The following ABCA13 variants were observed in gnomAD, a reference collection of about 807,000 sequenced individuals.
The protein encoded by ABCA13 is ATP-binding cassette sub-family A member 13.
In ABCA13, 476 loss-of-function variants were observed where a neutral mutation model predicts 478.7. That is an observed-to-expected ratio of 0.99 (90% CI 0.92 to 1.07). ABCA13 has a LOEUF of 1.07. Among genes scored for constraint, ABCA13 ranks in the 50% least tolerant of loss-of-function variants. ABCA13 has a pLI of 0.00. For missense variants in ABCA13, 6,060 were observed against 5,910.6 expected (o/e 1.03, Z -0.83); for synonymous variants, 2,252 against 2,158.9 (o/e 1.04, Z -1.20).
intron 45 of ABCA13, among the ~76,000 whole-genome samples, chr7:48,472,724 C>T (rs971554341): frequency 6.6e-6 from 1 of 152,048 alleles, no homozygotes; most frequent in African/African-American, 2.4e-5. Context: ...ATATAGGGCT[C>T]AAAAAACCGG....
intron 15 of ABCA13, among the ~76,000 whole-genome samples, chr7:48,266,838 A>C (rs972989095): frequency 6.6e-6 from 1 of 151,878 alleles, no homozygotes; most frequent in Non-Finnish European, 1.5e-5. Context: ...TTTTCCCCTA[A>C]ATGCTGATTT....
chr7:48,450,213 T>A (rs142552954), intron 42 of ABCA13, among the ~76,000 whole-genome samples: 56 of 152,352 alleles, frequency 3.7e-4, no homozygotes, highest in East Asian at 3.5e-3. Flanking sequence ...TCTACATTAG[T>A]TCAGAGAGCC....
chr7:48,303,616 C>T (rs904882478), intron 23 of ABCA13, among the ~76,000 whole-genome samples: 1 of 152,034 alleles, frequency 6.6e-6, no homozygotes, highest in Non-Finnish European at 1.5e-5. Context: ...TTGTTTTTGT[C>T]AGGTTTGTCG....
chr7:48,352,838 A>G (rs940384687), intron 31 of ABCA13, among the ~76,000 whole-genome samples: 1 of 151,936 alleles, frequency 6.6e-6, no homozygotes, highest in African/African-American at 2.4e-5. Context: ...GAGGGAGGTT[A>G]TTTTCTCTGC....
At chr7:48,254,232 T>G (rs918312823) in intron 15 of ABCA13, among the ~76,000 whole-genome samples, 2 of 151,726 alleles carry the variant, frequency 1.3e-5, no homozygotes, top group African/African-American at 4.9e-5. Context: ...GCTTTTCCTA[T>G]TTTTTTCCCC....
rs758629024 is a variant in ABCA13 at position 48,273,537 on chromosome 7, T to C, written c.3871T>C (p.Phe1291Leu). 6.9e-6 allele frequency: 11 copies of C among 1,583,902 alleles called. No homozygotes were observed. The highest frequency in any genetic ancestry group is 8.6e-6 in the Non-Finnish European group (10 of 1,163,038). Reference sequence around the variant, plus strand: ...TTCTCTGCTTGAAGTTTTCATTGAGTTTAGCAGTACCTCAGAATATATAGT... The same window carrying C: ...TTCTCTGCTTGAAGTTTTCATTGAGCTTAGCAGTACCTCAGAATATATAGT... ...LNSLLEVFIE[F>L]SSTSEYIVRN... The change falls in exon 17 of 62, where the codon TTT becomes CTT. Residue 1291 changes from phenylalanine to leucine, a missense_variant. Transcript: ENST00000435803.
At chr7:48,342,271 C>T (rs1186283770) in intron 29 of ABCA13, among the ~76,000 whole-genome samples, 1 of 152,094 alleles carries the variant, frequency 6.6e-6, no homozygotes, top group Admixed American at 6.6e-5. Flanking sequence ...TTGGTTCCTG[C>T]ATTGTTGGGT....
At chr7:48,204,940 T>A (rs932079440) in intron 3 of ABCA13, among the ~76,000 whole-genome samples, 2 of 152,198 alleles carry the variant, frequency 1.3e-5, no homozygotes, top group African/African-American at 4.8e-5. Flanking sequence ...TCTCCCCTCC[T>A]GACCCAGCCA....
intron 23 of ABCA13, among the ~76,000 whole-genome samples, chr7:48,302,773 C>G (rs1392573012): frequency 1.3e-5 from 2 of 152,142 alleles, no homozygotes; most frequent in Non-Finnish European, 2.9e-5. Flanking sequence ...GGTTTCATGT[C>G]CTTGCTATTG....
intron 59 of ABCA13, among the ~76,000 whole-genome samples, chr7:48,615,585 A>G (rs1304413378): frequency 7.8e-6 from 1 of 127,846 alleles, no homozygotes; most frequent in African/African-American, 3.4e-5. Context: ...TTCTCCCTGT[A>G]AGGGAGACAT....
At chr7:48,539,173 A>G (rs978406917) in intron 55 of ABCA13, among the ~76,000 whole-genome samples, 6 of 152,140 alleles carry the variant, frequency 3.9e-5, no homozygotes, top group African/African-American at 1.4e-4. Context: ...TTGAGCCCAG[A>G]GTTTGAGACC....
chr7:48,268,850 CTTT>C (rs57201740), intron 15 of ABCA13, 127 bp from the exon 16 acceptor site: 7,137 of 243,932 alleles, frequency 0.029, 149 homozygotes, highest in African/African-American at 0.1. Context: ...TCCTACTCAT[CTTT>C]TTTTTTTTTT....
intron 59 of ABCA13, among the ~76,000 whole-genome samples, chr7:48,632,826 C>T (rs1307016680): frequency 2.0e-5 from 3 of 152,066 alleles, no homozygotes; most frequent in Admixed American, 1.3e-4. Context: ...ATTTTCAAAT[C>T]GTGTTTTCAA....
intron 38 of ABCA13, among the ~76,000 whole-genome samples, chr7:48,394,520 C>G (rs1414755473): frequency 6.6e-6 from 1 of 152,214 alleles, no homozygotes; most frequent in African/African-American, 2.4e-5. Context: ...CTCTATTTCT[C>G]TGGCTCTTAT....
chr7:48,600,928 A>G (rs1790830108), intron 58 of ABCA13, among the ~76,000 whole-genome samples: 6 of 152,150 alleles, frequency 3.9e-5, no homozygotes, highest in African/African-American at 1.4e-4. Flanking sequence ...GGTCCTATCT[A>G]TCTTTCCTTT....
intron 61 of ABCA13, 37 bp downstream of exon 61, chr7:48,644,791 G>A: frequency 6.6e-7 from 1 of 1,525,294 alleles, no homozygotes; most frequent in Non-Finnish European, 8.8e-7. Flanking sequence ...GTTGAATTTT[G>A]GTCTGTTCAT....
chr7:48,211,114 A>T (rs1000566364), intron 3 of ABCA13, among the ~76,000 whole-genome samples: 4 of 152,086 alleles, frequency 2.6e-5, no homozygotes, highest in Non-Finnish European at 4.4e-5. Flanking sequence ...TTGGTCACTG[A>T]TTACTTAGTT....
chr7:48,399,733 G>A (rs1336170201), intron 38 of ABCA13, among the ~76,000 whole-genome samples: 1 of 152,118 alleles, frequency 6.6e-6, no homozygotes, highest in Non-Finnish European at 1.5e-5. Flanking sequence ...GATGACAACA[G>A]CAATGACAAC....
At chr7:48,262,921 T>G (rs1437918013) in intron 15 of ABCA13, among the ~76,000 whole-genome samples, 1 of 152,018 alleles carries the variant, frequency 6.6e-6, no homozygotes, top group Non-Finnish European at 1.5e-5. Context: ...TGAAATATTA[T>G]AGCTTTGAGT....
Sources: allele counts gnomAD v4.1 joint callset (sites outside exome capture counted in the v4.1 genomes callset), GRCh38; gene constraint gnomAD v4.1.1; transcripts MANE v1.5; gene names NCBI Gene and HGNC (gene_info 2026-07-23, HGNC 2026-07-21).